ADAMTSL1: variants seen among roughly 807,000 people sequenced by gnomAD.
ADAMTSL1 encodes the protein ADAMTS like 1.
Under a neutral mutation model 201.8 loss-of-function variants are expected in ADAMTSL1, and 126 were observed. That is an observed-to-expected ratio of 0.62 (90% CI 0.54 to 0.72). The LOEUF is 0.72. Among genes scored for constraint, ADAMTSL1 ranks in the 30% least tolerant of loss-of-function variants. The probability of loss-of-function intolerance (pLI) is 0.00; values close to 1 mark genes in which losing one functional copy is unlikely to be tolerated. For missense variants in ADAMTSL1, 2,679 were observed against 2,277.8 expected (o/e 1.18, Z -3.59); for synonymous variants, 1,121 against 903.4 (o/e 1.24, Z -4.32).
chr9:18,745,252 T>C (rs1819065607), intron 15 of ADAMTSL1, among the ~76,000 whole-genome samples: 1 of 152,218 alleles, frequency 6.6e-6, no homozygotes, highest in Admixed American at 6.5e-5. Context: ...AATTCTGTCA[T>C]TCCTTCTAGA....
chr9:18,021,025 A>T (rs1274707511), intron 1 of ADAMTSL1, among the ~76,000 whole-genome samples: 2 of 152,248 alleles, frequency 1.3e-5, no homozygotes, highest in South Asian at 4.1e-4. Flanking sequence ...GGTACTGTCG[A>T]CATCACCTGG....
At chr9:18,154,939 G>A (rs759744889) in intron 1 of ADAMTSL1, among the ~76,000 whole-genome samples, 3 of 152,002 alleles carry the variant, frequency 2.0e-5, no homozygotes, top group East Asian at 1.9e-4. Context: ...CTGATTTTGT[G>A]TATTTACATT....
chr9:18,874,335 T>A (rs915061731), intron 23 of ADAMTSL1, among the ~76,000 whole-genome samples: 2 of 152,188 alleles, frequency 1.3e-5, no homozygotes, highest in Non-Finnish European at 2.9e-5. Context: ...CAGTACTATG[T>A]TGAAGAGAAG....
intron 4 of ADAMTSL1, among the ~76,000 whole-genome samples, chr9:18,616,318 C>T (rs1242161605): frequency 1.3e-5 from 2 of 152,198 alleles, no homozygotes; most frequent in Non-Finnish European, 2.9e-5. Flanking sequence ...AGCCACCACA[C>T]CCAGCATAAA....
intron 1 of ADAMTSL1, among the ~76,000 whole-genome samples, chr9:17,974,834 G>C (rs1387050913): frequency 1.3e-5 from 2 of 152,044 alleles, no homozygotes; most frequent in African/African-American, 4.8e-5. Flanking sequence ...ATGCTGCAAT[G>C]AACATGGGGT....
Position 18,082,940 on chromosome 9 carries a change from A to C in ADAMTSL1, c.88-80922A>C, listed in dbSNP as rs532092459. Reference sequence around the variant, plus strand: ...AGTCAAAACGATTGTAACAAATTATAAATAAAGGTAATATGTCACAACCAG... The same window carrying C: ...AGTCAAAACGATTGTAACAAATTATCAATAAAGGTAATATGTCACAACCAG... On this transcript the variant is annotated intron_variant, in intron 1 of 29. Coordinates refer to the ADAMTSL1 transcript ENST00000680146. Among the ~76,000 whole-genome samples the C allele has an allele frequency of 3.9e-5, 6 of 152,372 alleles. 1 individual carries two copies. The South Asian group carries it at 8.3e-4, about 21-fold the overall frequency.
chr9:18,511,598 A>G (rs1818028197), intron 2 of ADAMTSL1, among the ~76,000 whole-genome samples: 1 of 152,122 alleles, frequency 6.6e-6, no homozygotes. Context: ...AAAGTAAAAT[A>G]AATAGCCCCA....
intron 23 of ADAMTSL1, among the ~76,000 whole-genome samples, chr9:18,853,218 G>A (rs568968056): frequency 6.6e-6 from 1 of 152,304 alleles, no homozygotes; most frequent in African/African-American, 2.4e-5. Context: ...ATCTCTCCAT[G>A]TGTGACTGCC....
At chr9:18,616,140 C>T (rs1825687364) in intron 4 of ADAMTSL1, among the ~76,000 whole-genome samples, 1 of 152,202 alleles carries the variant, frequency 6.6e-6, no homozygotes, top group Non-Finnish European at 1.5e-5. Flanking sequence ...ATTCTCATTC[C>T]TCAGCTTCCT....
chr9:18,445,995 G>T (rs1393108772), intron 2 of ADAMTSL1, among the ~76,000 whole-genome samples: 4 of 152,136 alleles, frequency 2.6e-5, no homozygotes, highest in Non-Finnish European at 4.4e-5. Flanking sequence ...TGTGGTTCAT[G>T]AAGATTAGTA....
chr9:18,084,865 C>G (rs2131788523), intron 1 of ADAMTSL1, among the ~76,000 whole-genome samples: 1 of 152,228 alleles, frequency 6.6e-6, no homozygotes, highest in East Asian at 1.9e-4. Context: ...AAATATATAT[C>G]TTGTCAAGTA....
intron 22 of ADAMTSL1, among the ~76,000 whole-genome samples, chr9:18,827,741 T>C (rs1256110093): frequency 6.6e-6 from 1 of 152,130 alleles, no homozygotes; most frequent in African/African-American, 2.4e-5. Flanking sequence ...GTATGTTCTG[T>C]AGGCAGGTGC....
chr9:18,657,572 G>A (rs1424381996), intron 7 of ADAMTSL1, 67 bp from the exon 8 acceptor site: 11 of 1,238,664 alleles, frequency 8.9e-6, no homozygotes, highest in African/African-American at 1.5e-5. Context: ...ACTCTTGTTC[G>A]AAGCTGCAAG....
intron 21 of ADAMTSL1, 47 bp downstream of exon 21, chr9:18,817,284 C>CTAGG: frequency 1.3e-6 from 2 of 1,531,050 alleles, no homozygotes; most frequent in South Asian, 2.5e-5. Flanking sequence ...GAGCCCTGTG[C>CTAGG]TAGGTTGGGG....
intron 1 of ADAMTSL1, among the ~76,000 whole-genome samples, chr9:18,146,246 G>A (rs553235456): frequency 9.2e-5 from 14 of 152,144 alleles, no homozygotes; most frequent in Middle Eastern, 3.4e-3. Context: ...ACATTTTTAG[G>A]TATTTACTCA....
chr9:18,409,921 A>G (rs534948135), intron 2 of ADAMTSL1, among the ~76,000 whole-genome samples: 1 of 151,084 alleles, frequency 6.6e-6, no homozygotes, highest in South Asian at 2.1e-4. Flanking sequence ...CAGATTATTT[A>G]TTTTACTCTC....
intron 11 of ADAMTSL1, chr9:18,681,190 C>G (rs777837468): frequency 2.6e-5 from 4 of 152,656 alleles, no homozygotes; most frequent in African/African-American, 9.6e-5. Context: ...AGCCCTGTGG[C>G]TTCATGGCAG....
intron 23 of ADAMTSL1, among the ~76,000 whole-genome samples, chr9:18,830,816 A>C (rs576574258): frequency 1.3e-5 from 2 of 152,210 alleles, no homozygotes; most frequent in Non-Finnish European, 2.9e-5. Context: ...CTGTGAACCT[A>C]AGATCTAAAA....
intron 16 of ADAMTSL1, among the ~76,000 whole-genome samples, chr9:18,754,032 ACAGGGGTTGACAAACTG>A (rs1474510129): frequency 2.0e-5 from 3 of 152,190 alleles, no homozygotes; most frequent in Non-Finnish European, 4.4e-5. Flanking sequence ...CTGTTTCAAA[ACAGGGGTTGACAAACTG>A]CAGCCCTCAA....
Sources: allele counts gnomAD v4.1 joint callset (sites outside exome capture counted in the v4.1 genomes callset), GRCh38; gene constraint gnomAD v4.1.1; transcripts MANE v1.5; gene names NCBI Gene and HGNC (gene_info 2026-07-23, HGNC 2026-07-21).